Variants in ABCC4 observed in about 807,000 individuals in gnomAD.
ABCC4 encodes the protein ATP binding cassette subfamily C member 4 (PEL blood group).
A neutral mutation model predicts 168.5 loss-of-function variants in ABCC4; 102 were observed. That is an observed-to-expected ratio of 0.61 (90% CI 0.52 to 0.71). The LOEUF is 0.71. Ranked by LOEUF, ABCC4 falls within the 30% of genes least tolerant of loss-of-function variation. The pLI is 0.00. For missense variants in ABCC4, 1,402 were observed against 1,605.8 expected, an observed-to-expected ratio of 0.87 and a Z score of 2.17; for synonymous variants, 617 against 590.7, an observed-to-expected ratio of 1.04 and a Z score of -0.65.
At chr13:95,289,240 T>C (rs1386939494) in intron 1 of ABCC4, among the ~76,000 whole-genome samples, 1 of 152,222 alleles carries the variant, frequency 6.6e-6, no homozygotes, top group African/African-American at 2.4e-5. Flanking sequence ...AGCAAGTGAT[T>C]AGAAGAGCAA....
Position 95,177,775 on chromosome 13 carries a change from A to G in ABCC4, c.1659T>C (p.Ala553=). 2 of 1,611,328 alleles carry G rather than the reference A, an allele frequency of 1.2e-6. No individual in the cohort carries two copies. Among genetic ancestry groups the G allele is most frequent in the Non-Finnish European group, 1.7e-6 (2 of 1,177,696 alleles). ...GAGGATCGTCCAGGAGATAGATGTC[A>G]GCATCTTGATACACTGCTCTAGAAA... ...VNLARAVYQD[A]DIYLLDDPLS... Residue 553 remains alanine (A), a synonymous_variant, in exon 13 of 31, where the codon GCT becomes GCC. Coordinates refer to ENST00000645237, the MANE Select transcript of ABCC4 (RefSeq NM_005845.5).
intron 21 of ABCC4, 68 bp from the exon 22 acceptor site, chr13:95,075,619 T>A: frequency 6.2e-7 from 1 of 1,602,278 alleles, no homozygotes; most frequent in Non-Finnish European, 8.5e-7. Context: ...CCTCCCAAGC[T>A]CCATGGTCAC....
Position 95,043,719 on chromosome 13 carries a change from T to C in ABCC4, c.3698A>G (p.His1233Arg). The change falls in exon 29 of 31, where the codon CAC becomes CGC. Residue 1233 changes from histidine to arginine, a missense_variant. Transcript: ENST00000645237. ...GCTGTCAATAATGGTGTTCAATCTG[T>C]GTGCAATGGTTAGCACGGTGCAGTG... ...FAHCTVLTIA[H>R]RLNTIIDSDK... 2.5e-6 allele frequency: 4 copies of C among 1,614,010 alleles called. No individual in the cohort carries two copies. The highest frequency in any genetic ancestry group is 2.7e-5 in the African/African-American group (2 of 75,040).
chr13:95,241,930 A>C (rs1012427680), intron 3 of ABCC4, among the ~76,000 whole-genome samples: 3 of 152,174 alleles, frequency 2.0e-5, no homozygotes, highest in Non-Finnish European at 2.9e-5. Context: ...CAGAGGAATT[A>C]ACCCATCTGT....
chr13:95,122,431 T>C (rs2035602554), intron 19 of ABCC4, among the ~76,000 whole-genome samples: 1 of 152,254 alleles, frequency 6.6e-6, no homozygotes, highest in Non-Finnish European at 1.5e-5. Flanking sequence ...TTTTGACTTA[T>C]CTTTATTTTA....
intron 30 of ABCC4, among the ~76,000 whole-genome samples, chr13:95,032,687 C>T (rs113838324): frequency 0.035 from 5,289 of 149,784 alleles, 315 homozygotes; most frequent in African/African-American, 0.12. Flanking sequence ...TTTTTTGAGA[C>T]GCAGTTTCGC....
intron 27 of ABCC4, among the ~76,000 whole-genome samples, chr13:95,045,830 C>A (rs542560153): frequency 1.1e-4 from 16 of 152,174 alleles, no homozygotes; most frequent in African/African-American, 3.6e-4. Flanking sequence ...AACAAAAAGC[C>A]AAGAGTAAAC....
intron 30 of ABCC4, among the ~76,000 whole-genome samples, chr13:95,030,493 C>T (rs9524776): frequency 0.45 from 68,834 of 152,010 alleles, 18,303 homozygotes; most frequent in South Asian, 0.7. Context: ...TGTTGAAGTC[C>T]TAACCCCCAA....
intron 22 of ABCC4, 61 bp from the exon 23 acceptor site, chr13:95,074,385 G>C: frequency 1.5e-6 from 2 of 1,337,650 alleles, no homozygotes; most frequent in Non-Finnish European, 2.1e-6. Context: ...AGTGTGTTTT[G>C]CTCAGTTGAG....
intron 21 of ABCC4, among the ~76,000 whole-genome samples, chr13:95,079,733 G>C (rs1381584925): frequency 1.3e-5 from 2 of 152,164 alleles, no homozygotes; most frequent in East Asian, 3.9e-4. Flanking sequence ...TATTCAGGAA[G>C]CTGAGACAGG....
chr13:95,022,952 A>G (rs911590330), intron 30 of ABCC4, among the ~76,000 whole-genome samples: 1 of 152,252 alleles, frequency 6.6e-6, no homozygotes, highest in Non-Finnish European at 1.5e-5. Context: ...GAATGCCACC[A>G]GAAGAAATCT....
intron 27 of ABCC4, among the ~76,000 whole-genome samples, chr13:95,048,905 A>G (rs1366409994): frequency 6.6e-6 from 1 of 152,162 alleles, no homozygotes; most frequent in African/African-American, 2.4e-5. Flanking sequence ...TCCATCTTTA[A>G]TCATTACTTA....
chr13:95,032,351 A>C (rs904922225), intron 30 of ABCC4, among the ~76,000 whole-genome samples: 18 of 152,170 alleles, frequency 1.2e-4, no homozygotes, highest in African/African-American at 3.6e-4. Context: ...CATCATCATC[A>C]TTGCCATCAG....
intron 19 of ABCC4, among the ~76,000 whole-genome samples, chr13:95,151,731 C>T (rs1236805111): frequency 6.6e-6 from 1 of 152,182 alleles, no homozygotes; most frequent in South Asian, 2.1e-4. Context: ...ACTTTTGTTT[C>T]AATGTTTGGG....
chr13:95,280,572 TAAAA>T (rs61654581), intron 1 of ABCC4, among the ~76,000 whole-genome samples: 617 of 131,004 alleles, frequency 4.7e-3, no homozygotes, highest in Admixed American at 8.3e-3. Context: ...TGCCTTCTAT[TAAAA>T]AAAAAAAAAA....
chr13:95,199,721 G>A (rs1002029675), intron 8 of ABCC4, among the ~76,000 whole-genome samples: 1 of 152,046 alleles, frequency 6.6e-6, no homozygotes, highest in Non-Finnish European at 1.5e-5. Context: ...GCCTCCTGAC[G>A]TATCTCCCTG....
chr13:95,097,756 GT>G lies in ABCC4; in HGVS notation c.2536-14467del, dbSNP rs527788865. The stretch of plus-strand genomic sequence containing the variant: ...CTAATTAGAAATCAGTAGCAGTAAG[GT>G]TTTTTAAAAAAAAAAAATCCCTAAA... On this transcript the variant is annotated intron_variant, in intron 20 of 30. Transcript: ENST00000645237. Among the ~76,000 whole-genome samples the G allele has an allele frequency of 2.8e-3, 319 of 113,014 alleles. 1 individual carries two copies. The highest frequency in any genetic ancestry group is 0.013 in the African/African-American group (288 of 23,038). 74.1% of individuals were successfully genotyped at this position (113,014 alleles called of 152,430 possible).
Position 95,020,058 on chromosome 13 carries a change from T to A in ABCC4, c.*1517A>T, listed in dbSNP as rs1301102079. 1 of 152,214 alleles carries A rather than the reference T, an allele frequency of 6.6e-6. No homozygotes were observed. Among genetic ancestry groups the A allele is most frequent in the Non-Finnish European group, 1.5e-5 (1 of 68,048 alleles). 9.4% of individuals were successfully genotyped at this position (152,214 alleles called of 1,614,324 possible). ...TACGAACCATGACTATTAATAAACA[T>A]TTACTGTGTGTGGTTTGTTGGACTG... is the stretch of plus-strand genomic sequence containing the variant. On this transcript the variant is annotated 3_prime_UTR_variant, in exon 31 of 31. Coordinates refer to ENST00000645237, the MANE Select transcript of ABCC4 (RefSeq NM_005845.5).
At chr13:95,182,289 A>G (rs1247542180) in intron 11 of ABCC4, among the ~76,000 whole-genome samples, 1 of 152,258 alleles carries the variant, frequency 6.6e-6, no homozygotes, top group Non-Finnish European at 1.5e-5. Flanking sequence ...AGGGGTTTGT[A>G]GAGTCAAGTG....
Sources: gnomAD v4.1 joint callset for allele counts (sites outside exome capture counted in the v4.1 genomes callset) on GRCh38, gnomAD v4.1.1 for gene constraint, MANE v1.5 for transcripts, NCBI Gene and HGNC (gene_info 2026-07-23, HGNC 2026-07-21) for gene names.